Variants in DMD observed in about 807,000 individuals in gnomAD.
The protein encoded by DMD is dystrophin, also known as mutant dystrophin.
Under a neutral mutation model 330.1 loss-of-function variants are expected in DMD, and 63 were observed. That is an observed-to-expected ratio of 0.19 (90% confidence interval 0.16 to 0.24). The LOEUF (loss-of-function observed/expected upper bound fraction) is 0.24, where lower values mean the gene tolerates loss of function less well. DMD is among the 10% of genes least tolerant of loss of function. The pLI, the probability that DMD is intolerant of heterozygous loss-of-function variation, is 1.00. For missense variants in DMD, 3,344 were observed against 2,684.1 expected, an observed-to-expected ratio of 1.25 and a Z score of -5.43; for synonymous variants, 1,223 against 959.8, an observed-to-expected ratio of 1.27 and a Z score of -5.07.
intron 44 of DMD, among the ~76,000 whole-genome samples, chrX:32,138,834 A>C (rs2096739872): frequency 8.9e-6 from 1 of 112,229 alleles, no homozygotes; most frequent in Non-Finnish European, 1.9e-5. Context: ...TGGTATGTGG[A>C]TTAACTGCTA....
intron 60 of DMD, among the ~76,000 whole-genome samples, chrX:31,383,172 T>C (rs1009447091): frequency 1.8e-5 from 2 of 111,165 alleles, no homozygotes; most frequent in Admixed American, 9.6e-5. Flanking sequence ...CACCTTGTGA[T>C]CCCCACTCCT....
intron 47 of DMD, among the ~76,000 whole-genome samples, chrX:31,894,871 T>C (rs115658844): frequency 0.064 from 7,099 of 111,316 alleles, 180 homozygotes; most frequent in African/African-American, 0.092. Flanking sequence ...GAGTTCCAGA[T>C]TGCAATTCAT....
intron 1 of DMD, among the ~76,000 whole-genome samples, chrX:33,310,219 TATAA>T (rs1273144017): frequency 1.8e-5 from 2 of 111,717 alleles, no homozygotes; most frequent in Non-Finnish European, 3.8e-5. Flanking sequence ...ATTTATTCTG[TATAA>T]ACCGTACTTA....
chrX:32,158,388 C>T (rs6631509), intron 44 of DMD, among the ~76,000 whole-genome samples: 6,968 of 109,901 alleles, frequency 0.063, 217 homozygotes, highest in East Asian at 0.2. Flanking sequence ...AAGAAAAATG[C>T]ATCGAAAGTA....
intron 67 of DMD, among the ~76,000 whole-genome samples, chrX:31,185,214 A>T (rs2041646786): frequency 9.0e-6 from 1 of 111,694 alleles, no homozygotes; most frequent in Admixed American, 9.4e-5. Context: ...GGACTTCTTA[A>T]ACCTGTGATT....
intron 34 of DMD, among the ~76,000 whole-genome samples, chrX:32,371,173 T>G (rs1395676712): frequency 8.9e-6 from 1 of 111,875 alleles, no homozygotes; most frequent in East Asian, 2.8e-4. Context: ...AAAGGATAAT[T>G]GAGCAACCAA....
intron 1 of DMD, among the ~76,000 whole-genome samples, chrX:33,022,201 A>T (rs1345680248): frequency 9.0e-6 from 1 of 111,693 alleles, no homozygotes; most frequent in Non-Finnish European, 1.9e-5. Flanking sequence ...TCTTTGAAAC[A>T]TACCCAAAAC....
At chrX:32,568,153 T>A (rs1275737135) in intron 15 of DMD, among the ~76,000 whole-genome samples, 1 of 111,966 alleles carries the variant, frequency 8.9e-6, no homozygotes, top group Non-Finnish European at 1.9e-5. Context: ...AGCCTCCTGT[T>A]TTATTATTAA....
intron 7 of DMD, among the ~76,000 whole-genome samples, chrX:32,775,879 C>A (rs1342828730): frequency 8.9e-6 from 1 of 112,828 alleles, no homozygotes; most frequent in Non-Finnish European, 1.9e-5. Flanking sequence ...GCCGCATGGA[C>A]AGGCTGCAAA....
intron 9 of DMD, among the ~76,000 whole-genome samples, chrX:32,687,757 C>T (rs935476382): frequency 2.7e-5 from 3 of 110,753 alleles, no homozygotes; most frequent in Non-Finnish European, 5.7e-5. Context: ...ATAAGAAAAA[C>T]GAATGTTGTT....
intron 48 of DMD, among the ~76,000 whole-genome samples, chrX:31,845,058 ATATATATGTATATGTGTG>A (rs2033678531): frequency 1.1e-5 from 1 of 91,095 alleles, no homozygotes; most frequent in Non-Finnish European, 2.1e-5. Flanking sequence ...ATATGTGTGT[ATATATATGTATATGTGTG>A]TATATATATG....
intron 60 of DMD, among the ~76,000 whole-genome samples, chrX:31,369,667 G>C (rs2059438930): frequency 9.0e-6 from 1 of 110,889 alleles, no homozygotes; most frequent in Non-Finnish European, 1.9e-5. Context: ...GTGTCTGTGG[G>C]ACATTCAGGT....
chrX:32,369,948 T>A (rs772365096), intron 34 of DMD, among the ~76,000 whole-genome samples: 1 of 111,264 alleles, frequency 9.0e-6, no homozygotes, highest in South Asian at 3.8e-4. Flanking sequence ...GTAATATGAA[T>A]AAAAGGCTAA....
intron 60 of DMD, among the ~76,000 whole-genome samples, chrX:31,349,229 G>A (rs2058260497): frequency 8.9e-6 from 1 of 112,417 alleles, no homozygotes; most frequent in Non-Finnish European, 1.9e-5. Flanking sequence ...ATCACTTGAG[G>A]TCATAAGTTC....
At chrX:33,276,491 A>C (rs1338216208) in intron 1 of DMD, among the ~76,000 whole-genome samples, 1 of 111,190 alleles carries the variant, frequency 9.0e-6, no homozygotes, top group African/African-American at 3.3e-5. Flanking sequence ...TGAATCATGA[A>C]GTCTAAAAGT....
chrX:32,624,379 C>T (rs1007296699), intron 11 of DMD, among the ~76,000 whole-genome samples: 2 of 111,708 alleles, frequency 1.8e-5, no homozygotes, highest in African/African-American at 3.3e-5. Context: ...AACTTCCAAT[C>T]GTTCAGATCA....
chrX:33,020,284 T>C lies in DMD; in HGVS notation c.32-84A>G, dbSNP rs1602768266. The C allele has an allele frequency of 1.8e-5, 12 of 662,575 alleles. No homozygotes were observed. In the East Asian group the frequency reaches 4.0e-4, roughly 22 times the overall value. 54.6% of individuals were successfully genotyped at this position (662,575 alleles called of 1,213,427 possible). On this transcript the variant is annotated intron_variant, in intron 1 of 78. Coordinates refer to ENST00000357033, the MANE Select transcript of DMD (RefSeq NM_004006.3). ...TTACAACCAAAGTAACTTTCCATTA[T>C]GATGTGTTAGTGTTTTTTTACATTT...
chrX:32,608,529 C>T (rs2056916925), intron 12 of DMD, among the ~76,000 whole-genome samples: 1 of 110,507 alleles, frequency 9.0e-6, no homozygotes, highest in Admixed American at 9.7e-5. Flanking sequence ...CCAGAGATAA[C>T]ATCACCAGGT....
At chrX:32,355,313 C>G (rs970450196) in intron 37 of DMD, among the ~76,000 whole-genome samples, 1 of 110,993 alleles carries the variant, frequency 9.0e-6, no homozygotes, top group Non-Finnish European at 1.9e-5. Context: ...TATTTGCTAA[C>G]CACACTGTCT....
Sources: gnomAD v4.1 joint callset for allele counts (sites outside exome capture counted in the v4.1 genomes callset) on GRCh38, gnomAD v4.1.1 for gene constraint, MANE v1.5 for transcripts, NCBI Gene and HGNC (gene_info 2026-07-23, HGNC 2026-07-21) for gene names.